The following HERPUD2 variants were observed in gnomAD, a reference collection of about 807,000 sequenced individuals.
The protein encoded by HERPUD2 is homocysteine-responsive endoplasmic reticulum-resident ubiquitin-like domain member 2 protein.
Under a neutral mutation model 49.9 loss-of-function variants are expected in HERPUD2, and 13 were observed. The ratio of observed to expected loss-of-function variants is 0.26; its 90% CI spans 0.17 to 0.41. The LOEUF (loss-of-function observed/expected upper bound fraction) is 0.41. HERPUD2 is among the 10% of genes least tolerant of loss of function. The pLI is 1.00. For missense variants in HERPUD2, 449 were observed against 492.2 expected, an observed-to-expected ratio of 0.91 and a Z score of 0.83; for synonymous variants, 172 against 171.4, an observed-to-expected ratio of 1.00 and a Z score of -0.03.
chr7:35,634,081 T>C (rs1406533828), intron 8 of HERPUD2, among the ~76,000 whole-genome samples: 1 of 152,188 alleles, frequency 6.6e-6, no homozygotes, highest in Non-Finnish European at 1.5e-5. Context: ...TTCTAGGCTA[T>C]TTTCAAGAAA....
chr7:35,685,329 T>G (rs1230058135), intron 2 of HERPUD2, among the ~76,000 whole-genome samples: 3 of 149,824 alleles, frequency 2.0e-5, no homozygotes, highest in Non-Finnish European at 4.5e-5. Flanking sequence ...TTTTTTGTTT[T>G]TTTTTTTTTT....
Position 35,651,283 on chromosome 7 carries a change from C to T in HERPUD2, c.495-12811G>A, listed in dbSNP as rs73094471. On this transcript the variant is annotated intron_variant, in intron 5 of 8. Coordinates refer to ENST00000311350, the MANE Select transcript of HERPUD2 (RefSeq NM_022373.5). ...TGACTGGAGGCCCCCCAAGAATTGG[C>T]CCACCTGGACCATCTCACACTGGTG... 9.8e-3 allele frequency among the ~76,000 whole-genome samples: 1,496 copies of T among 152,250 alleles called. 10 individuals are homozygous for T. The highest frequency in any genetic ancestry group is 0.017 in the Middle Eastern group (5 of 294).
intron 5 of HERPUD2, among the ~76,000 whole-genome samples, chr7:35,642,014 A>G (rs1484565389): frequency 1.3e-5 from 2 of 152,262 alleles, no homozygotes; most frequent in African/African-American, 4.8e-5. Flanking sequence ...AACTATCACC[A>G]GAGTAAACAA....
chr7:35,663,848 A>AT (rs1395633189), intron 5 of HERPUD2, among the ~76,000 whole-genome samples: 1 of 152,060 alleles, frequency 6.6e-6, no homozygotes, highest in Admixed American at 6.6e-5. Context: ...ACTCTATCCA[A>AT]TTTGCCAGTC....
chr7:35,684,030 C>T (rs1326362908), intron 2 of HERPUD2, among the ~76,000 whole-genome samples: 1 of 152,170 alleles, frequency 6.6e-6, no homozygotes, highest in Non-Finnish European at 1.5e-5. Flanking sequence ...AGTAGAACTA[C>T]CATTTGATCC....
chr7:35,647,636 G>T (rs1011192231), intron 5 of HERPUD2, among the ~76,000 whole-genome samples: 2 of 152,186 alleles, frequency 1.3e-5, no homozygotes, highest in African/African-American at 4.8e-5. Context: ...GTCAAAATAC[G>T]AATGATAACC....
intron 2 of HERPUD2, among the ~76,000 whole-genome samples, chr7:35,683,176 A>G (rs1785952543): frequency 6.6e-6 from 1 of 152,214 alleles, no homozygotes; most frequent in East Asian, 1.9e-4. Context: ...AAACTATACT[A>G]CAAGGCCATA....
chr7:35,682,394 C>T (rs541916128), intron 2 of HERPUD2, among the ~76,000 whole-genome samples: 8 of 114,778 alleles, frequency 7.0e-5, no homozygotes, highest in Non-Finnish European at 1.2e-4. Context: ...TATACTTAAT[C>T]GGCATACAAG....
chr7:35,641,597 C>A (rs1226381622), intron 5 of HERPUD2, among the ~76,000 whole-genome samples: 1 of 152,120 alleles, frequency 6.6e-6, no homozygotes, highest in Non-Finnish European at 1.5e-5. Flanking sequence ...GTAACCAAAC[C>A]AGCACAGTAC....
intron 2 of HERPUD2, among the ~76,000 whole-genome samples, chr7:35,693,586 C>A (rs1786240819): frequency 6.6e-6 from 1 of 151,552 alleles, no homozygotes; most frequent in Admixed American, 6.6e-5. Context: ...ATATATCTCT[C>A]ACTCGCATAT....
At chr7:35,638,250 C>A in intron 6 of HERPUD2, 100 bp downstream of exon 6, 2 of 1,197,414 alleles carry the variant, frequency 1.7e-6, no homozygotes, top group Admixed American at 2.3e-5. Context: ...ACATTAAATA[C>A]ATAAACAAAT....
At chr7:35,685,148 G>A (rs1324556458) in intron 2 of HERPUD2, among the ~76,000 whole-genome samples, 1 of 151,866 alleles carries the variant, frequency 6.6e-6, no homozygotes, top group East Asian at 1.9e-4. Flanking sequence ...GGCTGGGGTA[G>A]GAGGATCACT....
At chr7:35,694,143 C>G in intron 2 of HERPUD2, 41 bp downstream of exon 2, 1 of 1,612,032 alleles carries the variant, frequency 6.2e-7, no homozygotes, top group African/African-American at 1.3e-5. Flanking sequence ...GCACGAAAAG[C>G]TGCTGGTCAG....
At chr7:35,646,353 G>GT (rs1162801396) in intron 5 of HERPUD2, among the ~76,000 whole-genome samples, 1 of 152,018 alleles carries the variant, frequency 6.6e-6, no homozygotes, top group African/African-American at 2.4e-5. Context: ...CTTGAAGCCA[G>GT]GAGTTTGAGA....
At chr7:35,681,817 A>G (rs1785898025) in intron 2 of HERPUD2, among the ~76,000 whole-genome samples, 1 of 152,176 alleles carries the variant, frequency 6.6e-6, no homozygotes, top group South Asian at 2.1e-4. Flanking sequence ...AAAGAAACAG[A>G]AAGTAGATTA....
At chr7:35,684,942 T>C (rs1392705312) in intron 2 of HERPUD2, among the ~76,000 whole-genome samples, 1 of 151,992 alleles carries the variant, frequency 6.6e-6, no homozygotes, top group East Asian at 1.9e-4. Context: ...TTTACAGTAA[T>C]TGAAAACAGA....
At chr7:35,669,822 A>G (rs1489954572) in intron 4 of HERPUD2, among the ~76,000 whole-genome samples, 1 of 152,154 alleles carries the variant, frequency 6.6e-6, no homozygotes, top group East Asian at 1.9e-4. Context: ...CTTAAATTTT[A>G]AACAATTTAA....
chr7:35,655,008 C>T (rs904053547), intron 5 of HERPUD2, among the ~76,000 whole-genome samples: 5 of 152,140 alleles, frequency 3.3e-5, no homozygotes, highest in East Asian at 1.9e-4. Flanking sequence ...GCATGCACCA[C>T]GACGCCCAGC....
intron 6 of HERPUD2, 100 bp from the exon 7 acceptor site, chr7:35,635,558 C>T: frequency 3.1e-6 from 3 of 978,994 alleles, no homozygotes; most frequent in Non-Finnish European, 3.0e-6. Flanking sequence ...TTTCATAAAC[C>T]TAATATGGAA....
Sources: gnomAD v4.1 joint callset for allele counts (sites outside exome capture counted in the v4.1 genomes callset) on GRCh38, gnomAD v4.1.1 for gene constraint, MANE v1.5 for transcripts, NCBI Gene and HGNC (gene_info 2026-07-23, HGNC 2026-07-21) for gene names.